OSBPL6: variants seen among roughly 807,000 people sequenced by gnomAD.
OSBPL6 encodes oxysterol binding protein like 6, also known as oxysterol-binding protein-related protein 6.
OSBPL6 carries 49 observed loss-of-function variants against 125.8 expected under a neutral mutation model. The observed-to-expected ratio is 0.39, with a 90% CI of 0.31 to 0.49. The LOEUF is 0.49. Ranked by LOEUF, OSBPL6 falls within the 20% of genes least tolerant of loss-of-function variation. OSBPL6 has a pLI of 0.88. For missense variants in OSBPL6, 986 were observed against 1,135.4 expected (o/e 0.87, Z 1.89); for synonymous variants, 394 against 391.8 (o/e 1.01, Z -0.07).
intron 2 of OSBPL6, among the ~76,000 whole-genome samples, chr2:178,291,395 T>G (rs577111421): frequency 6.6e-6 from 1 of 152,288 alleles, no homozygotes; most frequent in Admixed American, 6.5e-5. Flanking sequence ...TGTCCACTGT[T>G]CATCATCATG....
intron 15 of OSBPL6, among the ~76,000 whole-genome samples, chr2:178,376,546 T>C (rs1559311115): frequency 6.6e-6 from 1 of 152,066 alleles, no homozygotes; most frequent in Non-Finnish European, 1.5e-5. Context: ...TCTTGCTGCC[T>C]CCCATCCATT....
intron 1 of OSBPL6, among the ~76,000 whole-genome samples, chr2:178,276,357 A>C (rs1207173383): frequency 6.6e-6 from 1 of 150,900 alleles, no homozygotes; most frequent in African/African-American, 2.4e-5. Flanking sequence ...TAGAATATTT[A>C]AATATTCTAA....
intron 2 of OSBPL6, among the ~76,000 whole-genome samples, chr2:178,288,850 A>G (rs911731499): frequency 6.6e-6 from 1 of 151,748 alleles, no homozygotes; most frequent in Non-Finnish European, 1.5e-5. Context: ...GGGTTTCACC[A>G]TGTTGGCCAG....
chr2:178,349,541 A>T, intron 12 of OSBPL6, 152 bp downstream of exon 12: 3 of 850,774 alleles, frequency 3.5e-6, no homozygotes, highest in Non-Finnish European at 5.3e-6. Flanking sequence ...ATGCAACAGG[A>T]CATGATGCTT....
At chr2:178,283,502 G>C (rs1035504545) in intron 1 of OSBPL6, among the ~76,000 whole-genome samples, 3 of 152,158 alleles carry the variant, frequency 2.0e-5, no homozygotes, top group African/African-American at 7.2e-5. Context: ...GAGGTTTATG[G>C]CTGGAAGGAT....
chr2:178,293,934 A>G (rs1452393518), intron 2 of OSBPL6, among the ~76,000 whole-genome samples: 1 of 152,158 alleles, frequency 6.6e-6, no homozygotes, highest in African/African-American at 2.4e-5. Context: ...TATACCTTAT[A>G]TAAAATTAAC....
intron 3 of OSBPL6, among the ~76,000 whole-genome samples, chr2:178,311,734 T>C (rs13406155): frequency 0.028 from 4,305 of 152,186 alleles, 191 homozygotes; most frequent in African/African-American, 0.098. Context: ...GAGTTCCAAG[T>C]CCCACAAGAG....
intron 3 of OSBPL6, among the ~76,000 whole-genome samples, chr2:178,318,552 C>G (rs1687965227): frequency 6.6e-6 from 1 of 152,202 alleles, no homozygotes; most frequent in African/African-American, 2.4e-5. Context: ...AAAGAAAAAA[C>G]TGTTTTGAAG....
At chr2:178,361,540 T>G in intron 12 of OSBPL6, 142 bp from the exon 13 acceptor site, 1 of 915,920 alleles carries the variant, frequency 1.1e-6, no homozygotes, top group Non-Finnish European at 1.6e-6. Flanking sequence ...AGATTCCTTT[T>G]GAAGGCTGAT....
intron 12 of OSBPL6, among the ~76,000 whole-genome samples, chr2:178,355,951 G>A (rs1233505583): frequency 2.0e-5 from 3 of 152,200 alleles, no homozygotes; most frequent in Admixed American, 6.5e-5. Flanking sequence ...ATCAATAAAC[G>A]TAATCCATCA....
intron 1 of OSBPL6, among the ~76,000 whole-genome samples, chr2:178,217,145 A>G (rs1465586520): frequency 6.6e-6 from 1 of 152,242 alleles, no homozygotes; most frequent in Admixed American, 6.5e-5. Context: ...AAGGGGCATC[A>G]TATCCACAAT....
chr2:178,246,894 C>T (rs1197376651), intron 1 of OSBPL6, among the ~76,000 whole-genome samples: 4 of 152,176 alleles, frequency 2.6e-5, no homozygotes, highest in Non-Finnish European at 4.4e-5. Context: ...GACAGAGCCA[C>T]GTCTCTTCAC....
chr2:178,239,057 C>A (rs1277199202), intron 1 of OSBPL6, among the ~76,000 whole-genome samples: 3 of 152,144 alleles, frequency 2.0e-5, no homozygotes, highest in East Asian at 3.9e-4. Flanking sequence ...TTTTCAAAAT[C>A]AAAGTTCTCA....
At chr2:178,244,002 G>A (rs1026136159) in intron 1 of OSBPL6, among the ~76,000 whole-genome samples, 2 of 152,148 alleles carry the variant, frequency 1.3e-5, no homozygotes, top group African/African-American at 4.8e-5. Context: ...TCTGTTTAAA[G>A]TCTTTCACCA....
chr2:178,318,414 T>G (rs966373897), intron 3 of OSBPL6, among the ~76,000 whole-genome samples: 1 of 152,242 alleles, frequency 6.6e-6, no homozygotes, highest in Non-Finnish European at 1.5e-5. Context: ...GGTGCTTATA[T>G]AGAGACCTAC....
At chr2:178,392,835 A>G (rs1200277554) in intron 23 of OSBPL6, among the ~76,000 whole-genome samples, 1 of 149,352 alleles carries the variant, frequency 6.7e-6, no homozygotes, top group Non-Finnish European at 1.5e-5. Flanking sequence ...TACTCCAGCC[A>G]GGGCAACAGA....
chr2:178,276,046 A>T (rs2092462333), intron 1 of OSBPL6, among the ~76,000 whole-genome samples: 1 of 152,214 alleles, frequency 6.6e-6, no homozygotes, highest in East Asian at 1.9e-4. Context: ...ACTCTTTTAA[A>T]GATTTAAATA....
At chr2:178,291,118 T>TTA (rs1466295556) in intron 2 of OSBPL6, among the ~76,000 whole-genome samples, 1 of 151,874 alleles carries the variant, frequency 6.6e-6, no homozygotes, top group Non-Finnish European at 1.5e-5. Context: ...TTTTTTTTTT[T>TTA]ACCTTTTATT....
intron 1 of OSBPL6, among the ~76,000 whole-genome samples, chr2:178,263,907 C>T (rs562106710): frequency 6.6e-6 from 1 of 152,156 alleles, no homozygotes; most frequent in East Asian, 1.9e-4. Flanking sequence ...AAAACTGCCT[C>T]AGGATCCCTG....
Sources: gnomAD v4.1 joint callset for allele counts (sites outside exome capture counted in the v4.1 genomes callset) on GRCh38, gnomAD v4.1.1 for gene constraint, MANE v1.5 for transcripts, NCBI Gene and HGNC (gene_info 2026-07-23, HGNC 2026-07-21) for gene names.